The following NEK7 variants were observed in gnomAD, a reference collection of about 807,000 sequenced individuals.
The protein encoded by NEK7 is serine/threonine-protein kinase Nek7.
NEK7 carries 18 observed loss-of-function variants against 44.6 expected under a neutral mutation model. The observed-to-expected ratio is 0.40, with a 90% CI of 0.28 to 0.60. The LOEUF is 0.60. Among genes scored for constraint, NEK7 ranks in the 20% least tolerant of loss-of-function variants. The pLI, the probability that NEK7 is intolerant of heterozygous loss-of-function variation, is 0.38. For missense variants in NEK7, 256 were observed against 366.5 expected, an observed-to-expected ratio of 0.70 and a Z score of 2.46; for synonymous variants, 130 against 121.1, an observed-to-expected ratio of 1.07 and a Z score of -0.48.
chr1:198,205,323 A>G (rs147236584), intron 1 of NEK7, among the ~76,000 whole-genome samples: 64 of 152,356 alleles, frequency 4.2e-4, no homozygotes, highest in African/African-American at 1.5e-3. Flanking sequence ...ATTAAATGAA[A>G]ATACTGTGCC....
rs999829576 is a variant in NEK7 at position 198,301,321 on chromosome 1, C to A, written c.798+4081C>A. On this transcript the variant is annotated intron_variant, in intron 9 of 9. Transcript: ENST00000367385. ...GTCCCAGCACTTTGGGAGGCCGAGG[C>A]GGGCGGATCACGAAGTCAGGAGATC... Among the ~76,000 whole-genome samples, 4 of 152,142 alleles carry A rather than the reference C, an allele frequency of 2.6e-5. No individual in the cohort carries two copies. The East Asian group carries it at 5.8e-4, about 22-fold the overall frequency.
intron 8 of NEK7, among the ~76,000 whole-genome samples, chr1:198,296,466 G>A (rs146653423): frequency 1.3e-3 from 197 of 152,162 alleles, no homozygotes; most frequent in African/African-American, 4.4e-3. Context: ...CCTTTGGGTC[G>A]TGTTTTTCTG....
chr1:198,232,918 A>G (rs1666441850), intron 2 of NEK7, among the ~76,000 whole-genome samples: 1 of 151,752 alleles, frequency 6.6e-6, no homozygotes, highest in Admixed American at 6.6e-5. Flanking sequence ...ACAATTGCAC[A>G]TATTTTTAGG....
At chr1:198,252,171 A>G (rs556995474) in intron 2 of NEK7, among the ~76,000 whole-genome samples, 4 of 151,892 alleles carry the variant, frequency 2.6e-5, no homozygotes, top group Admixed American at 1.3e-4. Flanking sequence ...CAGTTTCCAC[A>G]CAGTTGAGCG....
At chr1:198,288,658 A>G (rs1654454106) in intron 7 of NEK7, among the ~76,000 whole-genome samples, 1 of 152,210 alleles carries the variant, frequency 6.6e-6, no homozygotes, top group Non-Finnish European at 1.5e-5. Context: ...TAATTGAAAC[A>G]TCTTATAAAA....
intron 1 of NEK7, among the ~76,000 whole-genome samples, chr1:198,230,484 CT>C (rs1459800420): frequency 6.6e-6 from 1 of 150,804 alleles, no homozygotes; most frequent in Non-Finnish European, 1.5e-5. Flanking sequence ...AACATCTATT[CT>C]TTGTAAAAAC....
At chr1:198,221,761 T>C (rs1257898631) in intron 1 of NEK7, among the ~76,000 whole-genome samples, 2 of 151,984 alleles carry the variant, frequency 1.3e-5, no homozygotes, top group Non-Finnish European at 2.9e-5. Flanking sequence ...TCAAATGATA[T>C]TTAGGGAAAA....
At chr1:198,182,458 C>T (rs771267742) in intron 1 of NEK7, among the ~76,000 whole-genome samples, 44 of 151,960 alleles carry the variant, frequency 2.9e-4, no homozygotes, top group Admixed American at 1.2e-3. Flanking sequence ...AGAGATAGAG[C>T]TTTCCTGTTA....
In NEK7 at chr1:198,217,840, TAA is replaced by T. The variant is rs35485996; in HGVS notation, c.-28-14698_-28-14697del. The stretch of plus-strand genomic sequence containing the variant: ...ACACAATCCGTTTTTACAATAGCTA[TAA>T]AAAAAAAAAAAAAAGCCCCAAGCCT... On this transcript the variant is annotated intron_variant, in intron 1 of 9. Transcript: ENST00000367385. Among the ~76,000 whole-genome samples the T allele has an allele frequency of 2.9e-3, 315 of 107,236 alleles. 4 individuals are homozygous for T. The highest frequency in any genetic ancestry group is 7.8e-3 in the East Asian group (31 of 3,966). The allele number at this position is 107,236 out of a possible 152,430, so 70.4% of individuals were successfully genotyped here.
chr1:198,229,509 C>T (rs550409905), intron 1 of NEK7, among the ~76,000 whole-genome samples: 2 of 152,190 alleles, frequency 1.3e-5, no homozygotes, highest in East Asian at 3.9e-4. Flanking sequence ...GGGCGGTGGT[C>T]TTGTGGGACT....
At chr1:198,293,154 G>T (rs376355287) in intron 8 of NEK7, 115 bp downstream of exon 8, 7 of 591,004 alleles carry the variant, frequency 1.2e-5, no homozygotes, top group African/African-American at 5.7e-5. Context: ...CTTTTTAATT[G>T]TGAAGAATTT....
intron 9 of NEK7, among the ~76,000 whole-genome samples, chr1:198,318,139 G>A (rs1061258): frequency 0.052 from 7,970 of 152,018 alleles, 397 homozygotes; most frequent in East Asian, 0.19. Flanking sequence ...TGCTAGAATC[G>A]TAAAATGTAA....
At position 198,321,767 on chromosome 1, in the gene NEK7, T is replaced by A. The variant is rs1655540097; in HGVS notation, c.*2245T>A. On this transcript the variant is annotated 3_prime_UTR_variant, in exon 10 of 10. Transcript: ENST00000367385. ...TTTGAATGGAATAATTTCAAAGAAC[T>A]ATGAAGATGATTTGAAGCTCTAATT... is the stretch of plus-strand genomic sequence containing the variant. 1.3e-5 allele frequency: 2 copies of A among 152,156 alleles called. No individual in the cohort carries two copies. Among genetic ancestry groups the A allele is most frequent in the Admixed American group, 6.5e-5 (1 of 15,284 alleles). The allele number at this position is 152,156 out of a possible 1,614,324, so 9.4% of individuals were successfully genotyped here.
At chr1:198,262,263 C>T (rs899984607) in intron 3 of NEK7, among the ~76,000 whole-genome samples, 22 of 151,852 alleles carry the variant, frequency 1.4e-4, no homozygotes, top group Middle Eastern at 3.2e-3. Context: ...ATATTAATTG[C>T]TCAACATATA....
chr1:198,157,100 G>A lies in NEK7; in HGVS notation c.-205G>A, dbSNP rs1026803303. On this transcript the variant is annotated 5_prime_UTR_variant, in exon 1 of 10. Coordinates refer to ENST00000367385, the MANE Select transcript of NEK7 (RefSeq NM_133494.3). ...GACGCGCCTCGCAGTGCGCAGGGTG[G>A]GTGCCCCGCGCCTGCAGCGTCCGCC... is the stretch of plus-strand genomic sequence containing the variant. 6.6e-6 allele frequency: 1 copy of A among 151,898 alleles called. No individual in the cohort carries two copies. The highest frequency in any genetic ancestry group is 6.6e-5 in the Admixed American group (1 of 15,248). 9.4% of individuals were successfully genotyped at this position (151,898 alleles called of 1,614,324 possible).
chr1:198,285,238 T>C (rs1163480018), intron 7 of NEK7, among the ~76,000 whole-genome samples: 1 of 152,154 alleles, frequency 6.6e-6, no homozygotes, highest in Non-Finnish European at 1.5e-5. Context: ...GTATCCTAGA[T>C]ACCTAGAAGA....
chr1:198,297,255 G>T lies in NEK7; in HGVS notation c.798+15G>T. The T allele has an allele frequency of 1.9e-6, 3 of 1,610,844 alleles. No individual in the cohort carries two copies. In the South Asian group the frequency reaches 3.3e-5, roughly 18 times the overall value. On this transcript the variant is annotated intron_variant, in intron 9 of 9. Transcript: ENST00000367385. ...ATTCAGAAGAAGTAAGTCATTTTCAGCCCACATGTTCTTCTGTTGTCCATT... is the reference window on the plus strand; with the variant it reads ...ATTCAGAAGAAGTAAGTCATTTTCATCCCACATGTTCTTCTGTTGTCCATT...
chr1:198,195,056 A>T (rs148999629), intron 1 of NEK7, among the ~76,000 whole-genome samples: 3 of 152,234 alleles, frequency 2.0e-5, no homozygotes, highest in African/African-American at 7.2e-5. Flanking sequence ...GAAGATATTG[A>T]TATTTGATAT....
chr1:198,301,157 G>A (rs751241833), intron 9 of NEK7, among the ~76,000 whole-genome samples: 8 of 152,126 alleles, frequency 5.3e-5, no homozygotes, highest in African/African-American at 1.9e-4. Flanking sequence ...TATATACTTC[G>A]TTTCTTTCAA....
Sources: gnomAD v4.1 joint callset for allele counts (sites outside exome capture counted in the v4.1 genomes callset) on GRCh38, gnomAD v4.1.1 for gene constraint, MANE v1.5 for transcripts, NCBI Gene and HGNC (gene_info 2026-07-23, HGNC 2026-07-21) for gene names.